CNTN5: variants seen among roughly 807,000 people sequenced by gnomAD.
The protein encoded by CNTN5 is contactin 5.
CNTN5 carries 77 observed loss-of-function variants against 129.1 expected under a neutral mutation model. The observed-to-expected ratio is 0.60, with a 90% CI of 0.50 to 0.72. CNTN5 has a LOEUF of 0.72. Among genes scored for constraint, CNTN5 ranks in the 30% least tolerant of loss-of-function variants. CNTN5 has a pLI of 0.00. For synonymous variants in CNTN5, 509 were observed against 465.6 expected (o/e 1.09, Z -1.20); for missense variants, 1,478 against 1,328.8 (o/e 1.11, Z -1.75).
intron 1 of CNTN5, among the ~76,000 whole-genome samples, chr11:99,287,603 A>C (rs1183122716): frequency 2.0e-5 from 3 of 152,100 alleles, no homozygotes; most frequent in Non-Finnish European, 4.4e-5. Context: ...AAAACATTAT[A>C]ATATGATTCA....
At position 99,939,286 on chromosome 11, in the gene CNTN5, C is replaced by T. The variant is rs78055460; in HGVS notation, c.674-17520C>T. On this transcript the variant is annotated intron_variant, in intron 7 of 24. Transcript: ENST00000524871. ...ATGTTTACTATAAATTTGCGTTTTT[C>T]CCATTATCTTGAAGTAATTTATATT... 6.0e-3 allele frequency among the ~76,000 whole-genome samples: 909 copies of T among 152,110 alleles called. 10 individuals are homozygous for T. The highest frequency in any genetic ancestry group is 0.02 in the African/African-American group (819 of 41,524).
chr11:99,389,558 A>C (rs190405501), intron 2 of CNTN5, among the ~76,000 whole-genome samples: 66 of 152,318 alleles, frequency 4.3e-4, no homozygotes, highest in Non-Finnish European at 7.5e-4. Flanking sequence ...TATAGATAAG[A>C]ATCAGCATAG....
intron 2 of CNTN5, among the ~76,000 whole-genome samples, chr11:99,555,154 G>GA (rs1259020477): frequency 5.3e-5 from 8 of 152,054 alleles, no homozygotes; most frequent in East Asian, 1.9e-4. Flanking sequence ...CTAGCTAGGG[G>GA]AAAAAATACG....
At chr11:99,346,209 T>G (rs10790640) in intron 2 of CNTN5, among the ~76,000 whole-genome samples, 47,691 of 152,080 alleles carry the variant, frequency 0.31, 7,885 homozygotes, top group East Asian at 0.5. Context: ...AGAAAGTCAG[T>G]AGAGGTGCTG....
chr11:99,808,491 G>T (rs531481897), intron 3 of CNTN5, among the ~76,000 whole-genome samples: 2 of 152,158 alleles, frequency 1.3e-5, no homozygotes, highest in East Asian at 1.9e-4. Flanking sequence ...TGAAGAAATT[G>T]CTGTTAGTTG....
At chr11:99,931,674 C>T (rs952081781) in intron 7 of CNTN5, among the ~76,000 whole-genome samples, 1 of 152,154 alleles carries the variant, frequency 6.6e-6, no homozygotes, top group Non-Finnish European at 1.5e-5. Flanking sequence ...CTAGTGTTTC[C>T]ATGTTACGTT....
At chr11:99,574,240 C>CT (rs1949273096) in intron 3 of CNTN5, among the ~76,000 whole-genome samples, 1 of 152,120 alleles carries the variant, frequency 6.6e-6, no homozygotes, top group African/African-American at 2.4e-5. Flanking sequence ...CAAACTCATC[C>CT]TTTTTTACAG....
chr11:99,851,520 G>A (rs1166940169), intron 6 of CNTN5, among the ~76,000 whole-genome samples: 3 of 152,142 alleles, frequency 2.0e-5, no homozygotes, highest in African/African-American at 4.8e-5. Context: ...TCCAAAGCTC[G>A]TAGCAGTTTC....
chr11:100,087,557 A>C (rs940874253), intron 13 of CNTN5, among the ~76,000 whole-genome samples: 2 of 151,976 alleles, frequency 1.3e-5, no homozygotes, highest in Admixed American at 6.6e-5. Flanking sequence ...ATAATGATAA[A>C]GGGTTCAATT....
At chr11:99,962,360 A>C (rs1054236300) in intron 8 of CNTN5, among the ~76,000 whole-genome samples, 2 of 135,658 alleles carry the variant, frequency 1.5e-5, no homozygotes, top group African/African-American at 5.4e-5. Flanking sequence ...TCCTGTGTCC[A>C]TGTGTTCTCA....
chr11:100,149,995 AAACT>A (rs1947002084), intron 13 of CNTN5, among the ~76,000 whole-genome samples: 1 of 152,180 alleles, frequency 6.6e-6, no homozygotes, highest in African/African-American at 2.4e-5. Flanking sequence ...TAATCCAAAC[AAACT>A]GTGATATTCT....
intron 3 of CNTN5, among the ~76,000 whole-genome samples, chr11:99,804,420 A>G (rs1946206052): frequency 6.6e-6 from 1 of 151,992 alleles, no homozygotes; most frequent in East Asian, 1.9e-4. Flanking sequence ...AAACCATTTT[A>G]CTCTTCAAAA....
intron 1 of CNTN5, among the ~76,000 whole-genome samples, chr11:99,037,626 G>T (rs1204768330): frequency 7.2e-6 from 1 of 139,218 alleles, no homozygotes; most frequent in Non-Finnish European, 1.5e-5. Context: ...TCTTACCCAG[G>T]GTGGATTGCA....
chr11:99,155,997 T>G (rs983487486), intron 1 of CNTN5, among the ~76,000 whole-genome samples: 10 of 152,064 alleles, frequency 6.6e-5, no homozygotes, highest in African/African-American at 2.4e-4. Context: ...TGAAAGAAAA[T>G]GTAGACAAAT....
intron 7 of CNTN5, among the ~76,000 whole-genome samples, chr11:99,936,514 TGAG>T (rs1950318976): frequency 6.6e-6 from 1 of 152,046 alleles, no homozygotes; most frequent in Non-Finnish European, 1.5e-5. Context: ...TTGAACAAGA[TGAG>T]AAGAAATCCA....
rs761542058 is a variant in CNTN5 at position 99,556,175 on chromosome 11, G to A, written c.-40G>A. The stretch of plus-strand genomic sequence containing the variant: ...TCTTTAATGAAGAAACACCAGAGCT[G>A]TTAAACACATTGAGACACAGAAGAT... On this transcript the variant is annotated 5_prime_UTR_variant, in exon 3 of 25. Transcript: ENST00000524871. 2.2e-5 allele frequency: 28 copies of A among 1,295,212 alleles called. No individual in the cohort carries two copies. Among genetic ancestry groups the A allele is most frequent in the Non-Finnish European group, 3.0e-5 (28 of 944,684 alleles). The allele number at this position is 1,295,212 out of a possible 1,614,324, so 80.2% of individuals were successfully genotyped here.
Position 100,229,196 on chromosome 11 carries a change from T to TACAC in CNTN5, c.2005+4394_2005+4397dup, listed in dbSNP as rs147662737. Among the ~76,000 whole-genome samples, 6 of 151,870 alleles carry TACAC rather than the reference T, an allele frequency of 4.0e-5. No individual in the cohort carries two copies. In the East Asian group the frequency reaches 7.8e-4, roughly 20 times the overall value. ...CTACATCAGCAGTTTATTAGCTTTT[T>TACAC]ACACACACACACAAAATATTTATTT... On this transcript the variant is annotated intron_variant, in intron 16 of 24. Transcript: ENST00000524871.
chr11:99,733,099 A>G (rs996336344), intron 3 of CNTN5, among the ~76,000 whole-genome samples: 1 of 151,954 alleles, frequency 6.6e-6, no homozygotes, highest in Non-Finnish European at 1.5e-5. Context: ...GCCGAGGTGC[A>G]TGGATCACAA....
At chr11:99,433,083 A>T (rs1016115986) in intron 2 of CNTN5, among the ~76,000 whole-genome samples, 12 of 151,358 alleles carry the variant, frequency 7.9e-5, no homozygotes, top group African/African-American at 2.4e-4. Context: ...AACTTTTCAG[A>T]GGATGGAAAT....
Sources: gnomAD v4.1 joint callset for allele counts (sites outside exome capture counted in the v4.1 genomes callset) on GRCh38, gnomAD v4.1.1 for gene constraint, MANE v1.5 for transcripts, NCBI Gene and HGNC (gene_info 2026-07-23, HGNC 2026-07-21) for gene names.